The following IGLL1 variants were observed in gnomAD, a reference collection of about 807,000 sequenced individuals.
The protein encoded by IGLL1 is immunoglobulin lambda like polypeptide 1.
IGLL1 carries 10 observed loss-of-function variants against 10.5 expected under a neutral mutation model. That is an observed-to-expected ratio of 0.95 (90% CI 0.59 to 1.62). The LOEUF is 1.62. Ranked by LOEUF, IGLL1 falls within the 40% of genes most tolerant of loss-of-function variation. The pLI, the probability that IGLL1 is intolerant of heterozygous loss-of-function variation, is 0.00. For missense variants in IGLL1, 284 were observed against 278.7 expected, an observed-to-expected ratio of 1.02 and a Z score of -0.14; for synonymous variants, 141 against 122.7, an observed-to-expected ratio of 1.15 and a Z score of -0.99.
rs772838897 is a variant in IGLL1 at position 23,575,047 on chromosome 22, C to T, written c.242G>A (p.Arg81Lys). 2 of 1,613,944 alleles carry T rather than the reference C, an allele frequency of 1.2e-6. No homozygotes were observed. The highest frequency in any genetic ancestry group is 2.7e-5 in the African/African-American group (2 of 74,906). ...GGATTGAAACCCCCGGGGCCAGCAC[C>T]TGGGGCCAGTCCAGGAGCCGCGCTG... The part of the protein sequence containing the change: ...LLQRGSWTGP[R>K]CWPRGFQSKH... The change falls in exon 2 of 3, where the codon AGG becomes AAG. Residue 81 changes from arginine to lysine, a missense_variant. Arg to Lys is a conservative substitution (Grantham distance 26). Transcript: ENST00000330377.
chr22:23,580,073 G>T lies in IGLL1; in HGVS notation c.118C>A (p.Arg40Ser). Residue 40 changes from arginine to serine, a missense_variant, in exon 1 of 3, where the codon CGC (arginine) becomes AGC (serine). By Grantham distance (110) the Arg-to-Ser change is moderately radical. Transcript: ENST00000330377. Reference sequence around the variant, plus strand: ...CTGCTCTGCGATGCAGCTGTTGGGCGCAGCAGGCCATGGGTTACCACGGCC... The same window carrying T: ...CTGCTCTGCGATGCAGCTGTTGGGCTCAGCAGGCCATGGGTTACCACGGCC... ...GLAVVTHGLL[R>S]PTAASQSRAL... 1 of 1,572,222 alleles carries T rather than the reference G, an allele frequency of 6.4e-7. No homozygotes were observed. Among genetic ancestry groups the T allele is most frequent in the South Asian group, 1.2e-5 (1 of 85,896 alleles).
Position 23,574,237 on chromosome 22 carries a change from C to T in IGLL1, c.323-652G>A, listed in dbSNP as rs117166029. Among the ~76,000 whole-genome samples the T allele has an allele frequency of 8.4e-3, 1,280 of 152,002 alleles. 20 individuals are homozygous for T. Among genetic ancestry groups the T allele is most frequent in the South Asian group, 0.014 (68 of 4,812 alleles). On this transcript the variant is annotated intron_variant, in intron 2 of 2. Transcript: ENST00000330377. ...CACCTGGCAGCCATGGAGTTCTCTG[C>T]ACTCCCGTTTACTCCCCGCTAGTCA...
At chr22:23,579,231 G>C (rs1449806507) in intron 1 of IGLL1, among the ~76,000 whole-genome samples, 5 of 151,942 alleles carry the variant, frequency 3.3e-5, no homozygotes, top group Admixed American at 3.3e-4. Flanking sequence ...TATCGCCTGT[G>C]GGTATAACAT....
chr22:23,576,618 G>C (rs1319782877), intron 1 of IGLL1, among the ~76,000 whole-genome samples: 1 of 152,066 alleles, frequency 6.6e-6, no homozygotes. Flanking sequence ...TTTCAGTAGA[G>C]ACGGTGTTTC....
At chr22:23,577,149 C>T (rs751081437) in intron 1 of IGLL1, among the ~76,000 whole-genome samples, 75 of 152,160 alleles carry the variant, frequency 4.9e-4, no homozygotes, top group Non-Finnish European at 8.5e-4. Context: ...GGGTGGCTCA[C>T]GTCTGTAATC....
At position 23,573,163 on chromosome 22, in the gene IGLL1, T is replaced by C; in HGVS notation, c.*103A>G. 9.5e-7 allele frequency: 1 copy of C among 1,051,670 alleles called. No homozygotes were observed. Among genetic ancestry groups the C allele is most frequent in the African/African-American group, 1.6e-5 (1 of 63,252 alleles). 65.1% of individuals were successfully genotyped at this position (1,051,670 alleles called of 1,614,324 possible). A position where few individuals can be genotyped will look rare whatever the true frequency, so the allele number is the denominator to read the frequency against. On this transcript the variant is annotated 3_prime_UTR_variant, in exon 3 of 3. Transcript: ENST00000330377. ...AAGAGGGTATTTATTTAGGGTTTAC[T>C]GGGTACAGGGAGAAGGGCTGGATGG...
At chr22:23,574,155 C>T (rs577062050) in intron 2 of IGLL1, among the ~76,000 whole-genome samples, 4,819 of 129,924 alleles carry the variant, frequency 0.037, 469 homozygotes, top group African/African-American at 0.098. Context: ...CTCCCCCAGA[C>T]TTTGGGGCAC....
chr22:23,573,564 G>C lies in IGLL1; in HGVS notation c.344C>G (p.Ser115Trp). The change falls in exon 3 of 3, where the codon TCG becomes TGG. Residue 115 changes from serine (S) to tryptophan (W), a missense_variant. Transcript: ENST00000330377. ...TVLSQPKATP[S>W]VTLFPPSSEE... ...AGAGGACGGCGGGAACAGAGTGACC[G>C]AGGGGGTGGCCTTGGGCTGACCTGT... 6.2e-7 allele frequency: 1 copy of C among 1,613,862 alleles called. No individual in the cohort carries two copies. The highest frequency in any genetic ancestry group is 8.5e-7 in the Non-Finnish European group (1 of 1,179,802).
Position 23,580,004 on chromosome 22 carries a change from G to C in IGLL1, c.187C>G (p.Leu63Val). Residue 63 changes from leucine to valine, a missense_variant, in exon 1 of 3, where the codon CTG becomes GTG. Physicochemically the swap from Leu to Val is conservative, Grantham distance 32. Transcript: ENST00000330377. ...GAPGGSSRSS[L>V]RSRWGRFLLQ... ...CCTTACCTGCCCCACCGGCTCCTCA[G>C]GCTGGACCGGCTGCTTCCTCCAGGG... 1 of 1,583,622 alleles carries C rather than the reference G, an allele frequency of 6.3e-7. No homozygotes were observed. Among genetic ancestry groups the C allele is most frequent in the South Asian group, 1.1e-5 (1 of 87,602 alleles).
Position 23,576,073 on chromosome 22 carries a change from C to T in IGLL1, c.207-991G>A, listed in dbSNP as rs192108330. 1.8e-4 allele frequency among the ~76,000 whole-genome samples: 27 copies of T among 152,220 alleles called. No individual in the cohort carries two copies. In the East Asian group the frequency reaches 4.9e-3, roughly 27 times the overall value. On this transcript the variant is annotated intron_variant, in intron 1 of 2. Coordinates refer to ENST00000330377, the MANE Select transcript of IGLL1 (RefSeq NM_020070.4). Reference sequence around the variant, plus strand: ...CTCCTCAATTGCCTACTGACCTTGCCCAGTGGGCTACCCAACAGGAGCCTC... The same window carrying T: ...CTCCTCAATTGCCTACTGACCTTGCTCAGTGGGCTACCCAACAGGAGCCTC...
rs1027071006 is a variant in IGLL1, at chr22:23,577,678, G to C, written c.206+2307C>G. Among the ~76,000 whole-genome samples the C allele has an allele frequency of 3.3e-5, 5 of 151,372 alleles. No homozygotes were observed. The Admixed American group carries it at 3.3e-4, about 10-fold the overall frequency. On this transcript the variant is annotated intron_variant, in intron 1 of 2. Transcript: ENST00000330377. The stretch of plus-strand genomic sequence containing the variant: ...AGCCTCCTAAGTAGCTGGGACCACA[G>C]GCAAGTGCCACCATGACTAGCTAGT...
At chr22:23,575,820 G>A (rs754686830) in intron 1 of IGLL1, among the ~76,000 whole-genome samples, 6 of 152,100 alleles carry the variant, frequency 3.9e-5, no homozygotes, top group Non-Finnish European at 8.8e-5. Context: ...TGGTGTCTCC[G>A]CTGGATGCGA....
chr22:23,575,685 C>G (rs1008415431), intron 1 of IGLL1, among the ~76,000 whole-genome samples: 4 of 152,220 alleles, frequency 2.6e-5, no homozygotes. Flanking sequence ...ATAAATCCAT[C>G]CTGTCTACCA....
chr22:23,580,018 C>T lies in IGLL1; in HGVS notation c.173G>A (p.Ser58Asn), dbSNP rs761648091. The T allele has an allele frequency of 5.0e-6, 8 of 1,585,146 alleles. No homozygotes were observed. Among genetic ancestry groups the T allele is most frequent in the Non-Finnish European group, 6.8e-6 (8 of 1,169,500 alleles). Residue 58 changes from serine (S) to asparagine (N), a missense_variant, in exon 1 of 3, where the codon AGC becomes AAC. Coordinates refer to ENST00000330377, the MANE Select transcript of IGLL1 (RefSeq NM_020070.4). The stretch of plus-strand genomic sequence containing the variant: ...CCGGCTCCTCAGGCTGGACCGGCTG[C>T]TTCCTCCAGGGGCTCCAGGGCCCAG... Reference protein sequence around the residue: ...RALGPGAPGGSSRSSLRSRWG... With the variant: ...RALGPGAPGGNSRSSLRSRWG...
At chr22:23,577,281 G>A (rs1278940347) in intron 1 of IGLL1, among the ~76,000 whole-genome samples, 1 of 152,004 alleles carries the variant, frequency 6.6e-6, no homozygotes, top group African/African-American at 2.4e-5. Context: ...GCGCATGCTT[G>A]TAGTCCCAGC....
At chr22:23,574,308 G>A (rs866372306) in intron 2 of IGLL1, among the ~76,000 whole-genome samples, 4 of 152,106 alleles carry the variant, frequency 2.6e-5, no homozygotes, top group Admixed American at 6.5e-5. Context: ...GTGGGAGGTC[G>A]ACCCATGAAC....
intron 1 of IGLL1, among the ~76,000 whole-genome samples, chr22:23,575,967 T>G (rs1374191041): frequency 6.6e-6 from 1 of 152,032 alleles, no homozygotes; most frequent in Non-Finnish European, 1.5e-5. Flanking sequence ...GACCTCTTTC[T>G]TAGCCATTTT....
intron 1 of IGLL1, among the ~76,000 whole-genome samples, chr22:23,576,912 C>A (rs1569071253): frequency 6.6e-6 from 1 of 152,158 alleles, no homozygotes; most frequent in Non-Finnish European, 1.5e-5. Flanking sequence ...TTCCCTCCCC[C>A]TCACCCTGCT....
chr22:23,577,706 TTA>T (rs1433014945), intron 1 of IGLL1, among the ~76,000 whole-genome samples: 2 of 151,980 alleles, frequency 1.3e-5, no homozygotes, highest in Non-Finnish European at 2.9e-5. Flanking sequence ...TAGCTAGTTT[TTA>T]TATGTTTTGT....
Sources: gnomAD v4.1 joint callset for allele counts (sites outside exome capture counted in the v4.1 genomes callset) on GRCh38, gnomAD v4.1.1 for gene constraint, MANE v1.5 for transcripts, NCBI Gene and HGNC (gene_info 2026-07-23, HGNC 2026-07-21) for gene names.